The following KSR1 variants were observed in gnomAD, a reference collection of about 807,000 sequenced individuals.
KSR1 encodes kinase suppressor of ras.
A neutral mutation model predicts 92.9 loss-of-function variants in KSR1; 35 were observed. The observed-to-expected ratio is 0.38, with a 90% confidence interval of 0.29 to 0.50. KSR1 has a LOEUF of 0.50. Ranked by LOEUF, KSR1 falls within the 20% of genes least tolerant of loss-of-function variation. KSR1 has a pLI of 0.94. For missense variants in KSR1, 972 were observed against 1,158.5 expected, an observed-to-expected ratio of 0.84 and a Z score of 2.34; for synonymous variants, 467 against 472.6, an observed-to-expected ratio of 0.99 and a Z score of 0.15.
intron 1 of KSR1, among the ~76,000 whole-genome samples, chr17:27,549,689 G>A (rs987254761): frequency 2.6e-5 from 4 of 152,016 alleles, no homozygotes; most frequent in Middle Eastern, 3.4e-3. Flanking sequence ...CTGGGAATCC[G>A]AGTCCAGGAC....
intron 2 of KSR1, among the ~76,000 whole-genome samples, chr17:27,560,809 G>A (rs2071798810): frequency 6.6e-6 from 1 of 152,158 alleles, no homozygotes; most frequent in African/African-American, 2.4e-5. Flanking sequence ...AGAGCCAGAG[G>A]CCCAGCTGTT....
At chr17:27,593,722 G>C (rs1445984120) in intron 9 of KSR1, among the ~76,000 whole-genome samples, 1 of 152,254 alleles carries the variant, frequency 6.6e-6, no homozygotes, top group East Asian at 1.9e-4. Context: ...CAGCGGGAAA[G>C]ATGATAGGGT....
intron 5 of KSR1, among the ~76,000 whole-genome samples, chr17:27,586,494 G>A (rs2151179383): frequency 6.6e-6 from 1 of 152,286 alleles, no homozygotes; most frequent in South Asian, 2.1e-4. Context: ...CTGGCTGTAG[G>A]AACCCCAGGG....
intron 2 of KSR1, among the ~76,000 whole-genome samples, chr17:27,555,208 C>T (rs2071544348): frequency 6.6e-6 from 1 of 152,202 alleles, no homozygotes; most frequent in African/African-American, 2.4e-5. Flanking sequence ...GAAGTGAGCC[C>T]TCCCTTAGGA....
rs374851473 is a variant in KSR1, at chr17:27,617,388, C to T, written c.2587C>T (p.Arg863Trp). 3 of 1,612,770 alleles carry T rather than the reference C, an allele frequency of 1.9e-6. No homozygotes were observed. Among genetic ancestry groups the T allele is most frequent in the Non-Finnish European group, 1.7e-6 (2 of 1,179,276 alleles). The change falls in exon 19 of 21, where the codon CGG (arginine) becomes TGG (tryptophan). Residue 863 changes from arginine (R) to tryptophan (W), a missense_variant. Physicochemically the swap from Arg to Trp is moderately radical, Grantham distance 101 (BLOSUM62 -3). Coordinates refer to ENST00000644974, the MANE Select transcript of KSR1 (RefSeq NM_001394583.1). ...GCTGGAGAAACTTCCCAAGCTGAAC[C>T]GGCGGCTCTCCCACCCTGGACACTT... is the stretch of plus-strand genomic sequence containing the variant. ...DMLEKLPKLN[R>W]RLSHPGHFWK...
intron 1 of KSR1, among the ~76,000 whole-genome samples, chr17:27,515,519 G>C (rs1054164935): frequency 6.6e-6 from 1 of 151,862 alleles, no homozygotes; most frequent in African/African-American, 2.4e-5. Flanking sequence ...AGTCTCAGTA[G>C]GCTCTACTGA....
intron 1 of KSR1, chr17:27,465,402 C>G (rs554095494): frequency 1.3e-5 from 2 of 151,964 alleles, no homozygotes; most frequent in Non-Finnish European, 2.9e-5. Context: ...TGTTTAAGGC[C>G]GGGCACAGTG....
chr17:27,520,730 G>A (rs1193467707), intron 1 of KSR1, among the ~76,000 whole-genome samples: 2 of 152,180 alleles, frequency 1.3e-5, no homozygotes, highest in Non-Finnish European at 2.9e-5. Flanking sequence ...CCCAGGCCCC[G>A]CTGCCTCCAA....
chr17:27,617,209 A>C, intron 18 of KSR1, 86 bp from the exon 19 acceptor site: 1 of 1,414,548 alleles, frequency 7.1e-7, no homozygotes, highest in Non-Finnish European at 9.4e-7. Context: ...TGAGAACATC[A>C]AAGGGACCCT....
chr17:27,536,095 C>T (rs527927078), intron 1 of KSR1, among the ~76,000 whole-genome samples: 2 of 152,330 alleles, frequency 1.3e-5, no homozygotes, highest in Admixed American at 6.5e-5. Context: ...CATAGGGTTC[C>T]CCTCTGTCTG....
At position 27,605,425 on chromosome 17, in the gene KSR1, T is replaced by C. The variant is rs1261059223; in HGVS notation, c.1615-9T>C. The C allele has an allele frequency of 1.2e-6, 2 of 1,606,586 alleles. No individual in the cohort carries two copies. The highest frequency in any genetic ancestry group is 1.7e-6 in the Non-Finnish European group (2 of 1,178,410). On this transcript the variant is annotated splice_polypyrimidine_tract_variant and intron_variant, in intron 13 of 20. Coordinates refer to ENST00000644974, the MANE Select transcript of KSR1 (RefSeq NM_001394583.1). ...CTGCCCATCCCTGTTCTTCCTGCTC[T>C]CCTTTCAGGCTGAGGAGCCAGAGGC... is the stretch of plus-strand genomic sequence containing the variant.
chr17:27,477,899 G>C (rs1403528080), intron 1 of KSR1, among the ~76,000 whole-genome samples: 3 of 152,004 alleles, frequency 2.0e-5, no homozygotes, highest in Admixed American at 6.6e-5. Context: ...TTTTTGTAAA[G>C]ATGAGGTCTC....
At chr17:27,620,328 C>T (rs2074189614) in intron 19 of KSR1, among the ~76,000 whole-genome samples, 1 of 152,194 alleles carries the variant, frequency 6.6e-6, no homozygotes, top group African/African-American at 2.4e-5. Flanking sequence ...CATTGCTACA[C>T]AGATGGCCGA....
chr17:27,574,340 G>A (rs1330476644), intron 2 of KSR1, among the ~76,000 whole-genome samples: 1 of 152,198 alleles, frequency 6.6e-6, no homozygotes, highest in Non-Finnish European at 1.5e-5. Flanking sequence ...TGCTGGTGCC[G>A]TTCTCATCAG....
chr17:27,590,985 A>G, intron 7 of KSR1, 91 bp downstream of exon 7: 2 of 1,089,386 alleles, frequency 1.8e-6, no homozygotes, highest in Non-Finnish European at 2.7e-6. Context: ...TCATAGTCCT[A>G]TTCAGCACAC....
rs890583294 is a variant in KSR1, at chr17:27,562,877, G to A, written c.372+12169G>A. Among the ~76,000 whole-genome samples the A allele has an allele frequency of 8.5e-5, 13 of 152,258 alleles. 1 individual carries two copies. In the South Asian group the frequency reaches 2.5e-3, roughly 29 times the overall value. On this transcript the variant is annotated intron_variant, in intron 2 of 20. Transcript: ENST00000644974. ...TGGCCTTGGAGGCAGACAAAATTTTGACAAAATTCTTCCTTTGCCACTTGC... is the reference window on the plus strand; with the variant it reads ...TGGCCTTGGAGGCAGACAAAATTTTAACAAAATTCTTCCTTTGCCACTTGC...
chr17:27,461,592 T>C (rs1251254219), intron 1 of KSR1, among the ~76,000 whole-genome samples: 1 of 152,252 alleles, frequency 6.6e-6, no homozygotes, highest in Non-Finnish European at 1.5e-5. Flanking sequence ...TGGCCCTTTT[T>C]TGTGTCCACT....
chr17:27,501,292 C>CTTTTTTTTTT lies in KSR1; in HGVS notation c.231+44434_231+44443dup. ...TTTTTTTTTTTTAATTTCTTTTCTT[C>CTTTTTTTTTT]TTTTTTTTTTTTTTTTTTTTTTTTT... On this transcript the variant is annotated intron_variant, in intron 1 of 20. Transcript: ENST00000644974. Among the ~76,000 whole-genome samples the CTTTTTTTTTT allele has an allele frequency of 1.3e-3, 64 of 49,702 alleles. 4 individuals carry two copies. Among genetic ancestry groups the CTTTTTTTTTT allele is most frequent in the Admixed American group, 3.0e-3 (8 of 2,646 alleles). 32.6% of individuals were successfully genotyped at this position (49,702 alleles called of 152,430 possible).
rs75842123 is a variant in KSR1 at position 27,567,117 on chromosome 17, C to T, written c.373-10375C>T. On this transcript the variant is annotated intron_variant, in intron 2 of 20. Coordinates refer to ENST00000644974, the MANE Select transcript of KSR1 (RefSeq NM_001394583.1). ...AGCAGTTGTGCCTAGGCTACTTACA[C>T]GGTGGTGATAATACCAATAGTTGTT... Among the ~76,000 whole-genome samples the T allele has an allele frequency of 3.5e-3, 537 of 152,258 alleles. 10 individuals carry two copies. The East Asian group carries it at 0.052, about 15-fold the overall frequency.
Sources: gnomAD v4.1 joint callset for allele counts (sites outside exome capture counted in the v4.1 genomes callset) on GRCh38, gnomAD v4.1.1 for gene constraint, MANE v1.5 for transcripts, NCBI Gene and HGNC (gene_info 2026-07-23, HGNC 2026-07-21) for gene names.